Variants in CAMKMT observed in about 807,000 individuals in gnomAD.
CAMKMT encodes the protein CaM KMT.
Under a neutral mutation model 48.0 loss-of-function variants are expected in CAMKMT, and 53 were observed. That is an observed-to-expected ratio of 1.10 (90% CI 0.89 to 1.39). The LOEUF (loss-of-function observed/expected upper bound fraction) is 1.39. CAMKMT is among the 40% of genes most tolerant of loss of function. The probability of loss-of-function intolerance (pLI) is 0.00; values close to 1 mark genes in which losing one functional copy is unlikely to be tolerated. For synonymous variants in CAMKMT, 165 were observed against 152.3 expected (o/e 1.08, Z -0.61); for missense variants, 428 against 402.7 (o/e 1.06, Z -0.54).
intron 3 of CAMKMT, among the ~76,000 whole-genome samples, chr2:44,662,964 A>C (rs1558778977): frequency 2.0e-5 from 3 of 152,358 alleles, no homozygotes; most frequent in East Asian, 3.9e-4. Flanking sequence ...CTAAATGAAT[A>C]AATATAGATT....
intron 3 of CAMKMT, among the ~76,000 whole-genome samples, chr2:44,508,095 A>G (rs1670353062): frequency 6.6e-6 from 1 of 152,196 alleles, no homozygotes; most frequent in South Asian, 2.1e-4. Context: ...ACTTTAATGT[A>G]ATGACCTTGT....
chr2:44,387,831 G>A (rs1009074842), intron 2 of CAMKMT, among the ~76,000 whole-genome samples: 9 of 152,132 alleles, frequency 5.9e-5, no homozygotes, highest in African/African-American at 2.2e-4. Context: ...ATTCTTGGCT[G>A]ACAATTGTTT....
At chr2:44,687,807 A>C (rs1042190672) in intron 3 of CAMKMT, among the ~76,000 whole-genome samples, 1 of 152,242 alleles carries the variant, frequency 6.6e-6, no homozygotes, top group Non-Finnish European at 1.5e-5. Context: ...GCAGCAAATG[A>C]AAGCAGGCAG....
chr2:44,373,161 AT>A (rs1679349139), intron 2 of CAMKMT, among the ~76,000 whole-genome samples: 1 of 152,248 alleles, frequency 6.6e-6, no homozygotes, highest in African/African-American at 2.4e-5. Flanking sequence ...CTGTCATAAC[AT>A]TTGTTTATGA....
chr2:44,644,944 C>G (rs1160097883), intron 3 of CAMKMT, among the ~76,000 whole-genome samples: 2 of 152,152 alleles, frequency 1.3e-5, no homozygotes, highest in Non-Finnish European at 2.9e-5. Context: ...AGCAAGAGTT[C>G]TGTCGTTCTC....
intron 3 of CAMKMT, among the ~76,000 whole-genome samples, chr2:44,523,116 T>C (rs1466649982): frequency 6.6e-6 from 1 of 152,118 alleles, no homozygotes; most frequent in Non-Finnish European, 1.5e-5. Flanking sequence ...ATGAAATTTG[T>C]TCTGGTTAGC....
intron 2 of CAMKMT, among the ~76,000 whole-genome samples, chr2:44,376,155 A>G (rs959016257): frequency 8.5e-5 from 13 of 152,158 alleles, no homozygotes; most frequent in African/African-American, 2.2e-4. Flanking sequence ...TCATGCCTGT[A>G]GTTTCAGCAC....
intron 10 of CAMKMT, among the ~76,000 whole-genome samples, chr2:44,769,112 G>A (rs1680991050): frequency 6.7e-6 from 1 of 150,126 alleles, no homozygotes; most frequent in Non-Finnish European, 1.5e-5. Context: ...TTAGTTACTT[G>A]GCAGTAGTGC....
intron 7 of CAMKMT, 142 bp downstream of exon 7, chr2:44,715,495 TATCTC>T: frequency 1.6e-6 from 1 of 627,244 alleles, no homozygotes; most frequent in Non-Finnish European, 2.8e-6. Flanking sequence ...TTACAAGTAT[TATCTC>T]ATTTAATGCT....
intron 3 of CAMKMT, among the ~76,000 whole-genome samples, chr2:44,641,490 G>A (rs17032454): frequency 0.018 from 2,788 of 151,850 alleles, 70 homozygotes; most frequent in African/African-American, 0.058. Context: ...ACATGCATGT[G>A]ACAATCATTT....
intron 3 of CAMKMT, among the ~76,000 whole-genome samples, chr2:44,507,171 C>A (rs895192568): frequency 1.3e-5 from 2 of 151,972 alleles, no homozygotes; most frequent in Non-Finnish European, 2.9e-5. Context: ...TTAACTTTGA[C>A]TGAAATGACA....
intron 3 of CAMKMT, among the ~76,000 whole-genome samples, chr2:44,464,950 A>T (rs969592088): frequency 3.9e-5 from 6 of 152,342 alleles, no homozygotes; most frequent in Admixed American, 2.6e-4. Flanking sequence ...ATAATCTGTT[A>T]TGAAGTGCAT....
At chr2:44,497,157 T>A (rs557658289) in intron 3 of CAMKMT, among the ~76,000 whole-genome samples, 24 of 152,338 alleles carry the variant, frequency 1.6e-4, no homozygotes, top group African/African-American at 5.3e-4. Flanking sequence ...ATTTCGTACA[T>A]CTGCAAAAAT....
chr2:44,680,915 T>C (rs1278207716), intron 3 of CAMKMT, among the ~76,000 whole-genome samples: 2 of 152,184 alleles, frequency 1.3e-5, no homozygotes, highest in East Asian at 1.9e-4. Context: ...CCACCCTAAG[T>C]GGTAGGAAAT....
At position 44,685,970 on chromosome 2, in the gene CAMKMT, T is replaced by A. The variant is rs182606224; in HGVS notation, c.377-18313T>A. Among the ~76,000 whole-genome samples, 380 of 152,270 alleles carry A rather than the reference T, an allele frequency of 2.5e-3. 11 individuals are homozygous for A. The highest frequency in any genetic ancestry group is 0.022 in the Admixed American group (333 of 15,298). On this transcript the variant is annotated intron_variant, in intron 3 of 10. Transcript: ENST00000378494. The stretch of plus-strand genomic sequence containing the variant: ...CTGATACGCATTTCTTTGGAGTAAC[T>A]TAAGAAGATGGAATAAAATTAAGGG...
chr2:44,679,450 C>A (rs1040119407), intron 3 of CAMKMT, among the ~76,000 whole-genome samples: 5 of 152,126 alleles, frequency 3.3e-5, no homozygotes, highest in African/African-American at 1.2e-4. Flanking sequence ...GAGTGGAGAA[C>A]TGTAAAGTGA....
intron 3 of CAMKMT, among the ~76,000 whole-genome samples, chr2:44,660,887 T>G (rs1674643380): frequency 6.6e-6 from 1 of 152,166 alleles, no homozygotes; most frequent in African/African-American, 2.4e-5. Context: ...CCACCACACC[T>G]GGCCAGGCCA....
intron 3 of CAMKMT, among the ~76,000 whole-genome samples, chr2:44,563,184 A>T (rs897858288): frequency 1.4e-5 from 2 of 147,026 alleles, no homozygotes; most frequent in African/African-American, 4.9e-5. Context: ...CCCACAACTT[A>T]GAGGTATCTA....
chr2:44,667,096 G>A (rs1675028557), intron 3 of CAMKMT, among the ~76,000 whole-genome samples: 1 of 152,160 alleles, frequency 6.6e-6, no homozygotes, highest in East Asian at 1.9e-4. Context: ...GCTGCAGGGA[G>A]GCAAAACCCG....
Sources: allele counts gnomAD v4.1 joint callset (sites outside exome capture counted in the v4.1 genomes callset), GRCh38; gene constraint gnomAD v4.1.1; transcripts MANE v1.5; gene names NCBI Gene and HGNC (gene_info 2026-07-23, HGNC 2026-07-21).